The following ATP11A variants were observed in gnomAD, a reference collection of about 807,000 sequenced individuals.
The protein encoded by ATP11A is phospholipid-transporting ATPase IH.
ATP11A carries 81 observed loss-of-function variants against 154.4 expected under a neutral mutation model. The observed-to-expected ratio is 0.52, with a 90% CI of 0.44 to 0.63. The LOEUF (loss-of-function observed/expected upper bound fraction) is 0.63, where lower values mean the gene tolerates loss of function less well. ATP11A is among the 30% of genes least tolerant of loss of function. The pLI is 0.00. For synonymous variants in ATP11A, 623 were observed against 585.9 expected (o/e 1.06, Z -0.91); for missense variants, 1,316 against 1,474.3 (o/e 0.89, Z 1.76).
At chr13:112,863,355 G>T (rs9549311) in intron 25 of ATP11A, among the ~76,000 whole-genome samples, 2 of 55,160 alleles carry the variant, frequency 3.6e-5, no homozygotes, top group African/African-American at 1.2e-4. Flanking sequence ...CACCACCTGC[G>T]CAGTAATTCA....
intron 1 of ATP11A, among the ~76,000 whole-genome samples, chr13:112,770,230 A>G (rs539006044): frequency 6.6e-5 from 10 of 152,282 alleles, no homozygotes; most frequent in African/African-American, 9.6e-5. Flanking sequence ...CCAGTAAACT[A>G]TGGTCTAGGT....
chr13:112,856,746 T>C (rs2140344257), intron 20 of ATP11A: 1 of 152,424 alleles, frequency 6.6e-6, no homozygotes, highest in East Asian at 1.9e-4. Flanking sequence ...ACATTTTAGA[T>C]ATGATAGGCC....
At chr13:112,739,146 T>C (rs745735187) in intron 1 of ATP11A, among the ~76,000 whole-genome samples, 1 of 152,138 alleles carries the variant, frequency 6.6e-6, no homozygotes, top group African/African-American at 2.4e-5. Context: ...ATTAAAGACT[T>C]TTGTTCCTCA....
At chr13:112,708,687 C>G (rs1169192210) in intron 1 of ATP11A, among the ~76,000 whole-genome samples, 1 of 152,204 alleles carries the variant, frequency 6.6e-6, no homozygotes, top group Admixed American at 6.5e-5. Flanking sequence ...TCTCGGCTTC[C>G]CTGGCTGTCA....
intron 2 of ATP11A, among the ~76,000 whole-genome samples, chr13:112,789,736 G>C (rs2077786853): frequency 6.7e-6 from 1 of 149,718 alleles, no homozygotes; most frequent in Admixed American, 6.6e-5. Flanking sequence ...GTGTCCTGAT[G>C]TGTAGACCCC....
At chr13:112,854,917 G>A (rs977038377) in intron 19 of ATP11A, among the ~76,000 whole-genome samples, 1 of 152,208 alleles carries the variant, frequency 6.6e-6, no homozygotes, top group East Asian at 1.9e-4. Flanking sequence ...ATAATGCATG[G>A]TTGTTCGTCT....
intron 22 of ATP11A, chr13:112,858,519 G>A (rs542975374): frequency 5.3e-5 from 24 of 448,804 alleles, no homozygotes; most frequent in South Asian, 3.0e-4. Flanking sequence ...AATATCAAAC[G>A]CAAAATTGCA....
intron 17 of ATP11A, among the ~76,000 whole-genome samples, chr13:112,844,759 CG>C (rs1566562372): frequency 9.8e-6 from 1 of 102,022 alleles, no homozygotes; most frequent in East Asian, 3.4e-4. Flanking sequence ...GTCCAAGTGC[CG>C]GGCACTAGCA....
chr13:112,816,263 G>C (rs554547414), intron 6 of ATP11A, 52 bp downstream of exon 6: 3 of 1,611,184 alleles, frequency 1.9e-6, no homozygotes, highest in Admixed American at 1.7e-5. Flanking sequence ...GTCCTGCTTC[G>C]GACTGTGCCC....
rs9604460 is a variant in ATP11A, at chr13:112,845,450, A to G, written c.1809+3071A>G. Among the ~76,000 whole-genome samples, 84 of 110,544 alleles carry G rather than the reference A, an allele frequency of 7.6e-4. 3 individuals carry two copies. Among genetic ancestry groups the G allele is most frequent in the African/African-American group, 4.1e-3 (77 of 18,578 alleles). 72.5% of individuals were successfully genotyped at this position (110,544 alleles called of 152,430 possible). A position where few individuals can be genotyped will look rare whatever the true frequency, so the allele number is the denominator to read the frequency against. On this transcript the variant is annotated intron_variant, in intron 17 of 29. Transcript: ENST00000375645. ...AGTGGTTCTAACCAGTCCAGTTGCC[A>G]GCACTAGCGGTACTATTCAGTCCAG...
chr13:112,716,959 G>A (rs547005002), intron 1 of ATP11A, among the ~76,000 whole-genome samples: 13 of 152,094 alleles, frequency 8.5e-5, no homozygotes, highest in Non-Finnish European at 1.9e-4. Context: ...GGGACGGGCA[G>A]AGGCTTGTGG....
chr13:112,835,294 T>TGCGGTCATGGTTCCGGCAAGGAC (rs1191729798), intron 15 of ATP11A, among the ~76,000 whole-genome samples: 1 of 152,204 alleles, frequency 6.6e-6, no homozygotes, highest in Non-Finnish European at 1.5e-5. Context: ...AGCACGAATG[T>TGCGGTCATGGTTCCGGCAAGGAC]GCGGTCATGG....
intron 1 of ATP11A, among the ~76,000 whole-genome samples, chr13:112,726,459 G>A (rs1019021521): frequency 1.1e-4 from 17 of 152,222 alleles, no homozygotes; most frequent in African/African-American, 4.1e-4. Context: ...TAGGTGCTGG[G>A]GGACAGGCCT....
intron 1 of ATP11A, among the ~76,000 whole-genome samples, chr13:112,694,123 G>C (rs1255369088): frequency 6.6e-6 from 1 of 152,226 alleles, no homozygotes; most frequent in Non-Finnish European, 1.5e-5. Context: ...GCAGTGGCCT[G>C]AATGCTGAGT....
chr13:112,880,751 C>T, intron 29 of ATP11A: 1 of 1,168,970 alleles, frequency 8.6e-7, no homozygotes, highest in East Asian at 6.4e-5. Flanking sequence ...AACAAAGGTT[C>T]ACGGTGAGAA....
intron 3 of ATP11A, 137 bp from the exon 4 acceptor site, chr13:112,806,076 G>GGT: frequency 1.6e-6 from 1 of 611,880 alleles, no homozygotes; most frequent in Non-Finnish European, 2.9e-6. Context: ...TATCTCCCGT[G>GGT]GTGGGCAGTC....
intron 1 of ATP11A, among the ~76,000 whole-genome samples, chr13:112,731,211 C>T (rs776913466): frequency 2.0e-5 from 3 of 152,084 alleles, no homozygotes; most frequent in Non-Finnish European, 2.9e-5. Context: ...TCCAGTGATC[C>T]GCCTGCCTTA....
At chr13:112,701,492 C>T (rs996999707) in intron 1 of ATP11A, among the ~76,000 whole-genome samples, 58 of 152,196 alleles carry the variant, frequency 3.8e-4, no homozygotes, top group African/African-American at 1.4e-3. Flanking sequence ...AGAGGAAGAT[C>T]TGGTCCACAG....
intron 18 of ATP11A, among the ~76,000 whole-genome samples, chr13:112,853,430 G>T (rs2079833216): frequency 6.6e-6 from 1 of 152,106 alleles, no homozygotes; most frequent in African/African-American, 2.4e-5. Context: ...CTTCCAGTTA[G>T]AATTTAAATC....
Sources: allele counts gnomAD v4.1 joint callset (sites outside exome capture counted in the v4.1 genomes callset), GRCh38; gene constraint gnomAD v4.1.1; transcripts MANE v1.5; gene names NCBI Gene and HGNC (gene_info 2026-07-23, HGNC 2026-07-21).